The following DDHD1 variants were observed in gnomAD, a reference collection of about 807,000 sequenced individuals.
DDHD1 encodes phospholipase DDHD1.
In DDHD1, 49 loss-of-function variants were observed where a neutral mutation model predicts 96.4. The observed-to-expected ratio is 0.51, with a 90% CI of 0.40 to 0.64. The LOEUF (loss-of-function observed/expected upper bound fraction) is 0.64. Ranked by LOEUF, DDHD1 falls within the 30% of genes least tolerant of loss-of-function variation. The probability of loss-of-function intolerance (pLI) is 0.00; values close to 1 mark genes in which losing one functional copy is unlikely to be tolerated. For missense variants in DDHD1, 1,106 were observed against 1,161.2 expected (o/e 0.95, Z 0.69); for synonymous variants, 442 against 446.5 (o/e 0.99, Z 0.13).
chr14:53,150,420 C>G (rs1282721876), intron 1 of DDHD1, among the ~76,000 whole-genome samples: 1 of 152,210 alleles, frequency 6.6e-6, no homozygotes, highest in Non-Finnish European at 1.5e-5. Context: ...TCATTAATTT[C>G]GCTGAGCCCA....
intron 6 of DDHD1, 149 bp downstream of exon 6, chr14:53,072,448 T>C (rs1566538060): frequency 2.4e-6 from 1 of 423,902 alleles, no homozygotes; most frequent in Non-Finnish European, 4.2e-6. Context: ...GTTTGAAGAC[T>C]ATCAAATTTA....
At chr14:53,116,985 G>C (rs1323060295) in intron 1 of DDHD1, among the ~76,000 whole-genome samples, 2 of 152,012 alleles carry the variant, frequency 1.3e-5, no homozygotes, top group Admixed American at 1.3e-4. Flanking sequence ...ATAAAGAAAA[G>C]AGAGAAGAAT....
chr14:53,069,226 G>C (rs528186464), intron 6 of DDHD1, among the ~76,000 whole-genome samples: 30 of 152,294 alleles, frequency 2.0e-4, no homozygotes, highest in African/African-American at 7.2e-4. Flanking sequence ...GTTTTCCTCA[G>C]TGGGAAATAA....
In DDHD1 at chr14:53,037,485, A is replaced by C. The variant is rs148235774; in HGVS notation, c.*9283T>G. The C allele has an allele frequency of 2.0e-5, 3 of 152,096 alleles. No homozygotes were observed. The highest frequency in any genetic ancestry group is 1.9e-4 in the East Asian group (1 of 5,168). The allele number at this position is 152,096 out of a possible 1,614,324, so 9.4% of individuals were successfully genotyped here. A position where few individuals can be genotyped will look rare whatever the true frequency, so the allele number is the denominator to read the frequency against. ...GTATCTTATTGTGGTTTTGATTTGC[A>C]TTTCTCTGATGATTAGTGATGAGCA... On this transcript the variant is annotated 3_prime_UTR_variant, in exon 13 of 13. Coordinates refer to ENST00000673822, the MANE Select transcript of DDHD1 (RefSeq NM_001160148.2).
chr14:53,079,481 T>G (rs879722027), intron 4 of DDHD1, among the ~76,000 whole-genome samples: 2 of 152,214 alleles, frequency 1.3e-5, no homozygotes, highest in African/African-American at 2.4e-5. Flanking sequence ...AAGTGATTAC[T>G]AAAACAGTTT....
At chr14:53,110,977 G>T (rs539154856) in intron 1 of DDHD1, among the ~76,000 whole-genome samples, 1 of 152,016 alleles carries the variant, frequency 6.6e-6, no homozygotes, top group Admixed American at 6.6e-5. Context: ...GCGAGAGTCC[G>T]TCTCAAAAAA....
chr14:53,106,385 G>A (rs1170348442), intron 1 of DDHD1, among the ~76,000 whole-genome samples: 1 of 152,154 alleles, frequency 6.6e-6, no homozygotes, highest in Non-Finnish European at 1.5e-5. Context: ...TAGGCCAGGT[G>A]CAGTGACTCA....
chr14:53,111,253 T>A (rs1241171104), intron 1 of DDHD1, among the ~76,000 whole-genome samples: 1 of 152,234 alleles, frequency 6.6e-6, no homozygotes, highest in Non-Finnish European at 1.5e-5. Flanking sequence ...CTATTAAATA[T>A]CTAATGTATT....
At chr14:53,072,095 A>G (rs1253590000) in intron 6 of DDHD1, among the ~76,000 whole-genome samples, 2 of 152,096 alleles carry the variant, frequency 1.3e-5, no homozygotes, top group Non-Finnish European at 2.9e-5. Flanking sequence ...TACTAAACAG[A>G]ATTCTCCTTT....
chr14:53,090,883 A>G (rs1595158025), intron 4 of DDHD1, among the ~76,000 whole-genome samples: 1 of 152,068 alleles, frequency 6.6e-6, no homozygotes, highest in East Asian at 1.9e-4. Context: ...AAAAAAAAAA[A>G]GTTGAATTGT....
At chr14:53,064,805 A>G (rs1261981533) in intron 6 of DDHD1, among the ~76,000 whole-genome samples, 1 of 152,110 alleles carries the variant, frequency 6.6e-6, no homozygotes, top group Non-Finnish European at 1.5e-5. Flanking sequence ...TATGATTTTG[A>G]AAGCCAACTT....
intron 4 of DDHD1, among the ~76,000 whole-genome samples, chr14:53,080,273 A>G (rs1885348005): frequency 1.3e-5 from 2 of 152,152 alleles, no homozygotes; most frequent in African/African-American, 4.8e-5. Context: ...AGGCAGAAGA[A>G]TTGCTTGAAC....
At chr14:53,130,145 C>T (rs1889758090) in intron 1 of DDHD1, among the ~76,000 whole-genome samples, 1 of 152,162 alleles carries the variant, frequency 6.6e-6, no homozygotes, top group Non-Finnish European at 1.5e-5. Flanking sequence ...TCCTTGGCCT[C>T]TGCTCCCCCA....
intron 4 of DDHD1, among the ~76,000 whole-genome samples, chr14:53,090,554 A>T (rs956714532): frequency 1.3e-5 from 2 of 152,214 alleles, no homozygotes; most frequent in Non-Finnish European, 2.9e-5. Flanking sequence ...ATAAAAAAGG[A>T]TGAGTTCATG....
chr14:53,128,959 AG>A (rs35468423), intron 1 of DDHD1, among the ~76,000 whole-genome samples: 1 of 152,166 alleles, frequency 6.6e-6, no homozygotes, highest in East Asian at 1.9e-4. Flanking sequence ...GCTCTTAACA[AG>A]GTACTTTATA....
At chr14:53,070,000 T>C (rs750084171) in intron 6 of DDHD1, among the ~76,000 whole-genome samples, 8 of 152,198 alleles carry the variant, frequency 5.3e-5, no homozygotes, top group Non-Finnish European at 1.0e-4. Context: ...AGTTCCTTTC[T>C]GAGGATAGTT....
intron 7 of DDHD1, 114 bp downstream of exon 7, chr14:53,062,829 T>C (rs1433653975): frequency 8.9e-7 from 1 of 1,126,204 alleles, no homozygotes; most frequent in Non-Finnish European, 1.2e-6. Flanking sequence ...TAGTAATCTT[T>C]GTATCTTGAA....
At chr14:53,085,001 C>T (rs1885816956) in intron 4 of DDHD1, among the ~76,000 whole-genome samples, 1 of 152,252 alleles carries the variant, frequency 6.6e-6, no homozygotes, top group Non-Finnish European at 1.5e-5. Context: ...GTCCCACACC[C>T]ACAGAGCCTT....
chr14:53,128,036 C>T (rs139003338), intron 1 of DDHD1, among the ~76,000 whole-genome samples: 4 of 152,264 alleles, frequency 2.6e-5, no homozygotes, highest in East Asian at 3.9e-4. Flanking sequence ...TGAGTTCTCA[C>T]GAGATCTAAT....
Sources: allele counts gnomAD v4.1 joint callset (sites outside exome capture counted in the v4.1 genomes callset), GRCh38; gene constraint gnomAD v4.1.1; transcripts MANE v1.5; gene names NCBI Gene and HGNC (gene_info 2026-07-23, HGNC 2026-07-21).